The following TBC1D5 variants were observed in gnomAD, a reference collection of about 807,000 sequenced individuals.
TBC1D5 encodes the protein TBC1 domain family member 5, also known as TBC1 domain family, member 5.
TBC1D5 carries 75 observed loss-of-function variants against 100.3 expected under a neutral mutation model. The ratio of observed to expected loss-of-function variants is 0.75; its 90% CI spans 0.62 to 0.91. The LOEUF is 0.91. Ranked by LOEUF, TBC1D5 falls within the 40% of genes least tolerant of loss-of-function variation. The probability of loss-of-function intolerance (pLI) is 0.00; values close to 1 mark genes in which losing one functional copy is unlikely to be tolerated. For synonymous variants in TBC1D5, 323 were observed against 325.6 expected (o/e 0.99, Z 0.09); for missense variants, 910 against 942.4 (o/e 0.97, Z 0.45).
chr3:17,664,542 C>G (rs1399040287), intron 1 of TBC1D5, among the ~76,000 whole-genome samples: 2 of 152,102 alleles, frequency 1.3e-5, no homozygotes, highest in Non-Finnish European at 2.9e-5. Context: ...GATACAAATT[C>G]TTTTCACTTC....
At chr3:17,525,671 G>T (rs2096124705) in intron 2 of TBC1D5, among the ~76,000 whole-genome samples, 1 of 151,704 alleles carries the variant, frequency 6.6e-6, no homozygotes, top group Non-Finnish European at 1.5e-5. Flanking sequence ...GCCCCTGTAG[G>T]TTCTCAAAAT....
At chr3:17,343,946 G>GT (rs1002390460) in intron 13 of TBC1D5, among the ~76,000 whole-genome samples, 26 of 150,672 alleles carry the variant, frequency 1.7e-4, no homozygotes, top group South Asian at 6.3e-4. Context: ...TTTTTGAAGG[G>GT]TTTTTTTTGT....
At chr3:17,333,098 G>C (rs889421771) in intron 13 of TBC1D5, 2 of 152,324 alleles carry the variant, frequency 1.3e-5, no homozygotes, top group African/African-American at 4.8e-5. Context: ...CATAGTGCTG[G>C]AGCTGCTGCG....
chr3:17,663,500 G>A (rs1197990314), intron 1 of TBC1D5, among the ~76,000 whole-genome samples: 1 of 152,042 alleles, frequency 6.6e-6, no homozygotes, highest in African/African-American at 2.4e-5. Context: ...TTAAAAACGG[G>A]TACATTACAA....
intron 15 of TBC1D5, among the ~76,000 whole-genome samples, chr3:17,273,702 G>A (rs1186847208): frequency 6.6e-6 from 1 of 151,714 alleles, no homozygotes; most frequent in Non-Finnish European, 1.5e-5. Context: ...AGCTACTTGG[G>A]AGGCTGAGGC....
At chr3:17,706,447 G>A (rs904091214) in intron 1 of TBC1D5, among the ~76,000 whole-genome samples, 5 of 151,520 alleles carry the variant, frequency 3.3e-5, no homozygotes, top group African/African-American at 7.3e-5. Context: ...ACACGCGCGC[G>A]CACACCCCAC....
intron 1 of TBC1D5, among the ~76,000 whole-genome samples, chr3:17,668,878 A>T (rs1428655360): frequency 6.6e-6 from 1 of 152,086 alleles, no homozygotes; most frequent in Non-Finnish European, 1.5e-5. Context: ...CCCTAAATAG[A>T]GTGTGGAGGC....
chr3:17,602,318 C>A (rs2061011865), intron 2 of TBC1D5, among the ~76,000 whole-genome samples: 1 of 152,108 alleles, frequency 6.6e-6, no homozygotes, highest in Non-Finnish European at 1.5e-5. Flanking sequence ...TACCCATGCG[C>A]TCATAACATT....
intron 2 of TBC1D5, among the ~76,000 whole-genome samples, chr3:17,615,449 A>C (rs1230638201): frequency 6.6e-6 from 1 of 152,226 alleles, no homozygotes; most frequent in African/African-American, 2.4e-5. Context: ...GAATACTTTC[A>C]GAAGGAATGG....
At chr3:17,251,425 A>AACCCC (rs2077162770) in intron 16 of TBC1D5, among the ~76,000 whole-genome samples, 1 of 111,120 alleles carries the variant, frequency 9.0e-6, no homozygotes, top group Non-Finnish European at 1.9e-5. Context: ...ACTCACGGGA[A>AACCCC]CCCCCCCCCC....
chr3:17,235,580 A>T (rs1157366650), intron 17 of TBC1D5, among the ~76,000 whole-genome samples: 1 of 152,238 alleles, frequency 6.6e-6, no homozygotes, highest in Non-Finnish European at 1.5e-5. Flanking sequence ...ATACCAGCAT[A>T]AAGAACCAAT....
intron 2 of TBC1D5, among the ~76,000 whole-genome samples, chr3:17,621,989 A>G (rs2062695951): frequency 6.6e-6 from 1 of 152,160 alleles, no homozygotes; most frequent in Admixed American, 6.5e-5. Context: ...TCATTCATCC[A>G]TCAAATCTGA....
At chr3:17,698,072 C>T (rs1361495480) in intron 1 of TBC1D5, among the ~76,000 whole-genome samples, 2 of 151,912 alleles carry the variant, frequency 1.3e-5, no homozygotes, top group Admixed American at 6.6e-5. Flanking sequence ...CAAAAAAGAG[C>T]CCACATTGCC....
At chr3:17,517,968 G>C (rs2096012015) in intron 2 of TBC1D5, among the ~76,000 whole-genome samples, 2 of 152,140 alleles carry the variant, frequency 1.3e-5, no homozygotes, top group Admixed American at 1.3e-4. Context: ...TATATCGAAA[G>C]CTGCAGTGTA....
intron 4 of TBC1D5, among the ~76,000 whole-genome samples, chr3:17,421,656 C>A (rs1270343621): frequency 6.6e-6 from 1 of 152,042 alleles, no homozygotes; most frequent in African/African-American, 2.4e-5. Flanking sequence ...TGACAAGGGC[C>A]AAGTACTTTA....
At chr3:17,370,977 C>A (rs905366852) in intron 13 of TBC1D5, among the ~76,000 whole-genome samples, 3 of 151,838 alleles carry the variant, frequency 2.0e-5, no homozygotes, top group Admixed American at 1.3e-4. Flanking sequence ...TATAGAGAAC[C>A]CTTTTGTCTG....
At chr3:17,532,679 C>T (rs1404544898) in intron 2 of TBC1D5, among the ~76,000 whole-genome samples, 1 of 152,164 alleles carries the variant, frequency 6.6e-6, no homozygotes, top group Non-Finnish European at 1.5e-5. Flanking sequence ...AGTTCATTTC[C>T]TTTGTAGGGA....
At chr3:17,234,511 G>A (rs748235797) in intron 17 of TBC1D5, among the ~76,000 whole-genome samples, 24 of 151,848 alleles carry the variant, frequency 1.6e-4, no homozygotes, top group East Asian at 1.9e-4. Flanking sequence ...AGAACCTGAG[G>A]TGCACTAACA....
chr3:17,631,059 A>AAAAAAAAAAG lies in TBC1D5; in HGVS notation c.-100-7147_-100-7146insCTTTTTTTTT, dbSNP rs1553888485. Among the ~76,000 whole-genome samples, 3 of 133,376 alleles carry AAAAAAAAAAG rather than the reference A, an allele frequency of 2.2e-5. 1 individual carries two copies. Among genetic ancestry groups the AAAAAAAAAAG allele is most frequent in the Non-Finnish European group, 3.1e-5 (2 of 64,024 alleles). The allele number at this position is 133,376 out of a possible 152,430, so 87.5% of individuals were successfully genotyped here. On this transcript the variant is annotated intron_variant, in intron 1 of 21. Coordinates refer to ENST00000253692, the Ensembl canonical transcript of TBC1D5. Reference sequence around the variant, plus strand: ...ACTCCGTCTCAAAAAAAAAAAAAAAAAAAGTTAGGCCTCCTGAACCAAAAA... The same window carrying AAAAAAAAAAG: ...ACTCCGTCTCAAAAAAAAAAAAAAAAAAAAAAAAAGAAAGTTAGGCCTCCTGAACCAAAAA...
Sources: gnomAD v4.1 joint callset for allele counts (sites outside exome capture counted in the v4.1 genomes callset) on GRCh38, gnomAD v4.1.1 for gene constraint, MANE v1.5 for transcripts, NCBI Gene and HGNC (gene_info 2026-07-23, HGNC 2026-07-21) for gene names.